The following DPYD variants were observed in gnomAD, a reference collection of about 807,000 sequenced individuals.
DPYD encodes the protein dihydropyrimidine dehydrogenase.
DPYD carries 109 observed loss-of-function variants against 116.2 expected under a neutral mutation model. The ratio of observed to expected loss-of-function variants is 0.94; its 90% CI spans 0.80 to 1.10. The LOEUF (loss-of-function observed/expected upper bound fraction) is 1.10, where lower values mean the gene tolerates loss of function less well. Ranked by LOEUF, DPYD falls within the 50% of genes least tolerant of loss-of-function variation. The pLI, the probability that DPYD is intolerant of heterozygous loss-of-function variation, is 0.00. For missense variants in DPYD, 1,302 were observed against 1,254.5 expected, an observed-to-expected ratio of 1.04 and a Z score of -0.57; for synonymous variants, 440 against 432.0, an observed-to-expected ratio of 1.02 and a Z score of -0.23.
At chr1:97,566,015 C>A in intron 11 of DPYD, among the ~76,000 whole-genome samples, 1 of 152,136 alleles carries the variant, frequency 6.6e-6, no homozygotes, top group South Asian at 2.1e-4. Context: ...TCTAACAGTG[C>A]GGTGTTGAGC....
intron 10 of DPYD, among the ~76,000 whole-genome samples, chr1:97,590,429 T>A (rs1020238252): frequency 6.6e-6 from 1 of 152,172 alleles, no homozygotes; most frequent in Non-Finnish European, 1.5e-5. Flanking sequence ...ATTGGTTGAA[T>A]CTTTTATAGG....
intron 13 of DPYD, among the ~76,000 whole-genome samples, chr1:97,478,263 T>C (rs1408043508): frequency 1.3e-5 from 2 of 152,014 alleles, no homozygotes; most frequent in African/African-American, 4.8e-5. Context: ...ACAGGTAGAG[T>C]AGATTTAGCG....
At chr1:97,770,288 T>C (rs183311878) in intron 3 of DPYD, among the ~76,000 whole-genome samples, 7 of 152,310 alleles carry the variant, frequency 4.6e-5, no homozygotes, top group African/African-American at 1.7e-4. Flanking sequence ...GGGTATGATA[T>C]ATGACAGCAC....
intron 18 of DPYD, among the ~76,000 whole-genome samples, chr1:97,268,038 G>A (rs535011115): frequency 2.8e-4 from 42 of 152,190 alleles, no homozygotes; most frequent in Admixed American, 4.6e-4. Flanking sequence ...AGACATTCCC[G>A]TTCCAAAAGA....
intron 19 of DPYD, among the ~76,000 whole-genome samples, chr1:97,211,314 C>T (rs1660017496): frequency 6.6e-6 from 1 of 152,084 alleles, no homozygotes; most frequent in Admixed American, 6.6e-5. Context: ...GAGACGACTC[C>T]CCAGCCAGAC....
At chr1:97,577,604 T>C (rs1373067400) in intron 10 of DPYD, among the ~76,000 whole-genome samples, 1 of 152,092 alleles carries the variant, frequency 6.6e-6, no homozygotes, top group Non-Finnish European at 1.5e-5. Flanking sequence ...GTGTACCCCT[T>C]CAGGAACTGT....
chr1:97,826,816 C>A (rs1012383243), intron 3 of DPYD, among the ~76,000 whole-genome samples: 1 of 151,966 alleles, frequency 6.6e-6, no homozygotes, highest in South Asian at 2.1e-4. Context: ...ATTGTGTACT[C>A]AGTTTTATTT....
intron 20 of DPYD, among the ~76,000 whole-genome samples, chr1:97,156,029 G>T (rs1460421982): frequency 1.3e-5 from 2 of 152,012 alleles, no homozygotes; most frequent in African/African-American, 4.8e-5. Context: ...TGCTGGTTTG[G>T]GTACCATGTT....
At chr1:97,285,420 A>G (rs1415739311) in intron 18 of DPYD, among the ~76,000 whole-genome samples, 1 of 152,180 alleles carries the variant, frequency 6.6e-6, no homozygotes, top group Non-Finnish European at 1.5e-5. Context: ...ATCTATTCGT[A>G]GTTTAGAAAA....
chr1:97,895,577 A>G (rs1210733863), intron 1 of DPYD, among the ~76,000 whole-genome samples: 1 of 151,740 alleles, frequency 6.6e-6, no homozygotes, highest in African/African-American at 2.4e-5. Flanking sequence ...ATAAGAACTG[A>G]TATGATAAAA....
rs1662556615 is a variant in DPYD, at chr1:97,715,381, T to C, written c.483+6129A>G. Among the ~76,000 whole-genome samples the C allele has an allele frequency of 2.6e-5, 4 of 152,160 alleles. No homozygotes were observed. In the South Asian group the frequency reaches 8.3e-4, roughly 32 times the overall value. ...GTCCAAGGATGCCAATGTAAACCTA[T>C]ATGTCTCATTACATTTACTACATTA... is the stretch of plus-strand genomic sequence containing the variant. On this transcript the variant is annotated intron_variant, in intron 5 of 22. Coordinates refer to ENST00000370192, the MANE Select transcript of DPYD (RefSeq NM_000110.4).
intron 13 of DPYD, among the ~76,000 whole-genome samples, chr1:97,481,917 C>A (rs564196693): frequency 6.6e-6 from 1 of 152,140 alleles, no homozygotes; most frequent in African/African-American, 2.4e-5. Context: ...TAGACACACA[C>A]ATACAAACAT....
intron 11 of DPYD, among the ~76,000 whole-genome samples, chr1:97,571,717 A>G (rs1213772602): frequency 6.6e-6 from 1 of 151,922 alleles, no homozygotes; most frequent in Non-Finnish European, 1.5e-5. Flanking sequence ...TTCTCTTCTT[A>G]CCCAAATGGA....
At chr1:97,280,772 T>A (rs930909287) in intron 18 of DPYD, among the ~76,000 whole-genome samples, 13 of 152,218 alleles carry the variant, frequency 8.5e-5, no homozygotes, top group African/African-American at 3.1e-4. Flanking sequence ...GATAGGTTAG[T>A]CAATGAATAC....
chr1:97,181,781 GCCTA>G (rs746950661), intron 20 of DPYD, among the ~76,000 whole-genome samples: 20 of 152,064 alleles, frequency 1.3e-4, no homozygotes, highest in African/African-American at 4.3e-4. Flanking sequence ...ATCCCAAATT[GCCTA>G]TCTATCTATG....
chr1:97,846,520 T>C (rs1234549484), intron 2 of DPYD, among the ~76,000 whole-genome samples: 2 of 152,172 alleles, frequency 1.3e-5, no homozygotes, highest in Non-Finnish European at 2.9e-5. Flanking sequence ...CCCCAGGATG[T>C]GATGCTACAT....
intron 13 of DPYD, among the ~76,000 whole-genome samples, chr1:97,506,234 A>G (rs138018857): frequency 1.2e-4 from 18 of 152,136 alleles, no homozygotes; most frequent in African/African-American, 4.1e-4. Flanking sequence ...AGTATTTAAA[A>G]TGAGTATAAA....
chr1:97,607,483 C>T (rs1024733882), intron 8 of DPYD, among the ~76,000 whole-genome samples: 3 of 151,674 alleles, frequency 2.0e-5, no homozygotes, highest in African/African-American at 4.8e-5. Flanking sequence ...AGGGAAATCC[C>T]GTCTAGATAA....
intron 20 of DPYD, among the ~76,000 whole-genome samples, chr1:97,117,160 TA>T (rs59948084): frequency 0.032 from 4,717 of 147,922 alleles, 214 homozygotes; most frequent in African/African-American, 0.11. Flanking sequence ...CAGGACTCCA[TA>T]AAAAAAAAAT....
Sources: allele counts gnomAD v4.1 joint callset (sites outside exome capture counted in the v4.1 genomes callset), GRCh38; gene constraint gnomAD v4.1.1; transcripts MANE v1.5; gene names NCBI Gene and HGNC (gene_info 2026-07-23, HGNC 2026-07-21).